COL18A1: variants seen among roughly 807,000 people sequenced by gnomAD.
COL18A1 encodes collagen type XVIII alpha 1 chain.
Under a neutral mutation model 168.0 loss-of-function variants are expected in COL18A1, and 133 were observed. The observed-to-expected ratio is 0.79, with a 90% CI of 0.69 to 0.91. The LOEUF (loss-of-function observed/expected upper bound fraction) is 0.91, where lower values mean the gene tolerates loss of function less well. Ranked by LOEUF, COL18A1 falls within the 40% of genes least tolerant of loss-of-function variation. The pLI is 0.00. For synonymous variants in COL18A1, 949 were observed against 809.0 expected, an observed-to-expected ratio of 1.17 and a Z score of -2.94; for missense variants, 2,126 against 1,925.4, an observed-to-expected ratio of 1.10 and a Z score of -1.95.
rs2034174067 is a variant in COL18A1, at chr21:45,437,463, C to CACTCACACTCACACAG, written c.107-30777_107-30776insTCACACTCACACAGAC. Among the ~76,000 whole-genome samples, 29 of 23,198 alleles carry CACTCACACTCACACAG rather than the reference C, an allele frequency of 1.3e-3. 3 individuals carry two copies. The highest frequency in any genetic ancestry group is 5.6e-3 in the African/African-American group (23 of 4,086). The allele number at this position is 23,198 out of a possible 152,430, so 15.2% of individuals were successfully genotyped here. On this transcript the variant is annotated intron_variant, in intron 2 of 41. Transcript: ENST00000651438. The stretch of plus-strand genomic sequence containing the variant: ...ACACACACTCACTCACAGACAGACA[C>CACTCACACTCACACAG]ACAGGCACTCTCCTGCACACACTCA...
chr21:45,411,919 T>G (rs1237105842), intron 2 of COL18A1, among the ~76,000 whole-genome samples: 1 of 152,186 alleles, frequency 6.6e-6, no homozygotes, highest in African/African-American at 2.4e-5. Context: ...ATGGAAAATA[T>G]CATCTCAGAG....
intron 5 of COL18A1, among the ~76,000 whole-genome samples, chr21:45,475,868 G>A (rs2035629666): frequency 6.6e-6 from 1 of 152,244 alleles, no homozygotes; most frequent in Non-Finnish European, 1.5e-5. Context: ...TGGCCATCAG[G>A]GAATGAACGC....
Position 45,477,745 on chromosome 21 carries a change from C to G in COL18A1, c.1006-5C>G. ...GCCCGAGCCCTGTGTTCTGTTTATTCCCAGGGCGGCCTGAAGGGGCAGAAA... is the reference window on the plus strand; with the variant it reads ...GCCCGAGCCCTGTGTTCTGTTTATTGCCAGGGCGGCCTGAAGGGGCAGAAA... On this transcript the variant is annotated splice_region_variant and splice_polypyrimidine_tract_variant and intron_variant, in intron 7 of 41. Coordinates refer to ENST00000651438, the MANE Select transcript of COL18A1 (RefSeq NM_001379500.1). 1 of 1,535,064 alleles carries G rather than the reference C, an allele frequency of 6.5e-7. No individual in the cohort carries two copies. The highest frequency in any genetic ancestry group is 8.8e-7 in the Non-Finnish European group (1 of 1,141,270).
intron 26 of COL18A1, chr21:45,494,216 G>C (rs1282811375): frequency 5.8e-6 from 3 of 520,624 alleles, no homozygotes; most frequent in Non-Finnish European, 1.0e-5. Context: ...GCTGGGGCCT[G>C]TGGCAACCAG....
chr21:45,476,302 C>CG (rs761409302), intron 5 of COL18A1, 49 bp from the exon 6 acceptor site: 19 of 1,612,304 alleles, frequency 1.2e-5, no homozygotes, highest in Non-Finnish European at 1.6e-5. Flanking sequence ...AAGTCTCCAC[C>CG]GGGCATCTGC....
At chr21:45,500,293 AGTGTATATGTG>A (rs2036715883) in intron 32 of COL18A1, among the ~76,000 whole-genome samples, 1 of 35,682 alleles carries the variant, frequency 2.8e-5, no homozygotes, top group South Asian at 1.3e-3. Context: ...GGGTGTGTGG[AGTGTATATGTG>A]GGTGTGTAGT....
At chr21:45,432,352 A>C (rs1039176790) in intron 2 of COL18A1, among the ~76,000 whole-genome samples, 2 of 152,134 alleles carry the variant, frequency 1.3e-5, no homozygotes, top group African/African-American at 4.8e-5. Context: ...CCCCCACTTC[A>C]TGTTGTGGGT....
chr21:45,417,062 T>G (rs1255374070), intron 2 of COL18A1, among the ~76,000 whole-genome samples: 6 of 152,234 alleles, frequency 3.9e-5, no homozygotes, highest in Admixed American at 3.9e-4. Flanking sequence ...AAAGGGCTTT[T>G]CTGACTGTCG....
intron 16 of COL18A1, 118 bp downstream of exon 16, chr21:45,487,110 C>A: frequency 2.0e-6 from 2 of 1,005,330 alleles, no homozygotes; most frequent in Non-Finnish European, 1.4e-6. Flanking sequence ...CTTGCTGGCA[C>A]TGCCTCATCC....
Position 45,458,972 on chromosome 21 carries a change from C to T in COL18A1, c.107-9270C>T, listed in dbSNP as rs955946199. 7.2e-5 allele frequency among the ~76,000 whole-genome samples: 11 copies of T among 152,324 alleles called. No homozygotes were observed. The South Asian group carries it at 1.9e-3, about 26-fold the overall frequency. Reference sequence around the variant, plus strand: ...AGGAATTTCTGCAACTGCAGCTGGCCCGGTCGGTGGCACAGCCTGATGGGG... The same window carrying T: ...AGGAATTTCTGCAACTGCAGCTGGCTCGGTCGGTGGCACAGCCTGATGGGG... On this transcript the variant is annotated intron_variant, in intron 2 of 41. Coordinates refer to ENST00000651438, the MANE Select transcript of COL18A1 (RefSeq NM_001379500.1).
At chr21:45,459,555 C>T (rs996376583) in intron 2 of COL18A1, among the ~76,000 whole-genome samples, 5 of 152,220 alleles carry the variant, frequency 3.3e-5, no homozygotes, top group East Asian at 1.9e-4. Context: ...CGGCCCACCT[C>T]GAGGAGAGTG....
At chr21:45,497,847 C>A (rs987813480) in intron 32 of COL18A1, 186 bp downstream of exon 32, 5 of 754,848 alleles carry the variant, frequency 6.6e-6, no homozygotes, top group Middle Eastern at 5.8e-4. Flanking sequence ...GATTTGGGGG[C>A]GAGGGTGGCT....
intron 2 of COL18A1, among the ~76,000 whole-genome samples, chr21:45,465,484 G>C (rs2035169795): frequency 6.6e-6 from 1 of 152,234 alleles, no homozygotes; most frequent in African/African-American, 2.4e-5. Flanking sequence ...CTGCGTAAGT[G>C]CTATGGTGTG....
chr21:45,423,308 T>A lies in COL18A1; in HGVS notation c.106+17835T>A, dbSNP rs149296151. Among the ~76,000 whole-genome samples the A allele has an allele frequency of 1.6e-3, 246 of 152,328 alleles. 6 individuals are homozygous for A. In the East Asian group the frequency reaches 0.037, roughly 23 times the overall value. ...GGTCCCTGAGTGTTGGCTGGTCCACTTCCTGAGCGTTGGCCAGCTGCCCTT... is the reference window on the plus strand; with the variant it reads ...GGTCCCTGAGTGTTGGCTGGTCCACATCCTGAGCGTTGGCCAGCTGCCCTT... On this transcript the variant is annotated intron_variant, in intron 2 of 41. Transcript: ENST00000651438. The surrounding 1 kb of genome is among the most constrained non-coding windows in gnomAD (Gnocchi z 4.0).
At chr21:45,459,983 G>A (rs2034987861) in intron 2 of COL18A1, among the ~76,000 whole-genome samples, 2 of 152,146 alleles carry the variant, frequency 1.3e-5, no homozygotes, top group South Asian at 4.1e-4. Flanking sequence ...TGGGACCGGA[G>A]GCAGGTGATG....
intron 2 of COL18A1, among the ~76,000 whole-genome samples, chr21:45,461,490 G>C (rs2035045692): frequency 6.6e-6 from 1 of 152,140 alleles, no homozygotes; most frequent in African/African-American, 2.4e-5. Flanking sequence ...TGCACCATTA[G>C]GGTGGACACC....
chr21:45,495,126 G>A (rs1477434277), intron 28 of COL18A1: 4 of 646,370 alleles, frequency 6.2e-6, no homozygotes, highest in Non-Finnish European at 1.1e-5. Flanking sequence ...AGGAAGCCCT[G>A]GAGGCAGACA....
At position 45,425,253 on chromosome 21, in the gene COL18A1, C is replaced by T. The variant is rs759937684; in HGVS notation, c.106+19780C>T. Among the ~76,000 whole-genome samples, 10 of 152,032 alleles carry T rather than the reference C, an allele frequency of 6.6e-5. No homozygotes were observed. Among genetic ancestry groups the T allele is most frequent in the Non-Finnish European group, 1.2e-4 (8 of 67,944 alleles). ...GTGTGACCGCGTCCGCCCGTCTCCC[C>T]GGACACGCCTGTTGGAGCCCCGGCC... is the stretch of plus-strand genomic sequence containing the variant. On this transcript the variant is annotated intron_variant, in intron 2 of 41. Coordinates refer to ENST00000651438, the MANE Select transcript of COL18A1 (RefSeq NM_001379500.1). This position sits in a 1 kb window ranked among gnomAD's most constrained non-coding sequence, Gnocchi z 4.1.
At chr21:45,419,847 T>C (rs986041212) in intron 2 of COL18A1, 1 of 152,158 alleles carries the variant, frequency 6.6e-6, no homozygotes, top group African/African-American at 2.4e-5. Flanking sequence ...CAGCCCTCAG[T>C]TCTCCCTCCC....
Sources: gnomAD v4.1 joint callset for allele counts (sites outside exome capture counted in the v4.1 genomes callset) on GRCh38, gnomAD v4.1.1 for gene constraint, Gnocchi (gnomAD v3.1) non-coding constraint, MANE v1.5 for transcripts, NCBI Gene and HGNC (gene_info 2026-07-23, HGNC 2026-07-21) for gene names.